DLGAP2: variants seen among roughly 807,000 people sequenced by gnomAD.
DLGAP2 encodes the protein disks large-associated protein 2.
A neutral mutation model predicts 100.3 loss-of-function variants in DLGAP2; 26 were observed. The ratio of observed to expected loss-of-function variants is 0.26; its 90% CI spans 0.19 to 0.36. The LOEUF is 0.36. Among genes scored for constraint, DLGAP2 ranks in the 10% least tolerant of loss-of-function variants. The pLI, the probability that DLGAP2 is intolerant of heterozygous loss-of-function variation, is 1.00. For missense variants in DLGAP2, 1,858 were observed against 1,453.2 expected (o/e 1.28, Z -4.53); for synonymous variants, 886 against 630.1 (o/e 1.41, Z -6.08).
At chr8:1,292,858 G>A (rs1184790022) in intron 3 of DLGAP2, among the ~76,000 whole-genome samples, 1 of 152,002 alleles carries the variant, frequency 6.6e-6, no homozygotes, top group South Asian at 2.1e-4. Context: ...CCAAGCCTAC[G>A]CTGCCTCCTC....
chr8:818,920 A>AAATT (rs1796535870), intron 1 of DLGAP2, among the ~76,000 whole-genome samples: 1 of 152,210 alleles, frequency 6.6e-6, no homozygotes, highest in Non-Finnish European at 1.5e-5. Flanking sequence ...AATTTAATGG[A>AAATT]GCAGTAACCA....
chr8:873,829 G>T (rs939642355), intron 1 of DLGAP2, among the ~76,000 whole-genome samples: 11 of 152,194 alleles, frequency 7.2e-5, no homozygotes, highest in African/African-American at 2.7e-4. Context: ...GCAGAATTCA[G>T]TAGAGATGTC....
At chr8:1,317,022 C>G (rs966948007) in intron 3 of DLGAP2, among the ~76,000 whole-genome samples, 1 of 98,024 alleles carries the variant, frequency 1.0e-5, no homozygotes, top group African/African-American at 4.3e-5. Flanking sequence ...AACTCGGCAG[C>G]TTTTAAAAAT....
chr8:1,658,822 C>T (rs563509494), intron 8 of DLGAP2, among the ~76,000 whole-genome samples: 1 of 152,098 alleles, frequency 6.6e-6, no homozygotes, highest in Non-Finnish European at 1.5e-5. Flanking sequence ...TTTTGTGTCT[C>T]TATCTCCTTC....
chr8:1,113,723 C>G (rs1047776487), intron 2 of DLGAP2, among the ~76,000 whole-genome samples: 1 of 152,070 alleles, frequency 6.6e-6, no homozygotes, highest in Non-Finnish European at 1.5e-5. Flanking sequence ...GCCAGAACTT[C>G]CAATACTATG....
intron 3 of DLGAP2, among the ~76,000 whole-genome samples, chr8:1,371,454 C>T (rs958505255): frequency 1.3e-5 from 2 of 152,212 alleles, no homozygotes; most frequent in Non-Finnish European, 2.9e-5. Context: ...CAGGATGACT[C>T]AGGCTGGTGC....
chr8:1,372,212 CGCTGGG>C (rs1563111371), intron 3 of DLGAP2, among the ~76,000 whole-genome samples: 1 of 87,906 alleles, frequency 1.1e-5, no homozygotes, highest in African/African-American at 3.9e-5. Context: ...GTGCTGCCAA[CGCTGGG>C]ACGCTGGTCA....
At chr8:1,240,706 GTGA>G (rs1798769597) in intron 2 of DLGAP2, among the ~76,000 whole-genome samples, 1 of 147,846 alleles carries the variant, frequency 6.8e-6, no homozygotes, top group African/African-American at 2.5e-5. Flanking sequence ...CTCTCACATG[GTGA>G]CGTGTCTAGT....
At chr8:1,531,169 C>A (rs557610068) in intron 4 of DLGAP2, among the ~76,000 whole-genome samples, 1 of 151,824 alleles carries the variant, frequency 6.6e-6, no homozygotes, top group Non-Finnish European at 1.5e-5. Context: ...CTCCCCTCCC[C>A]GCTAAAAAAG....
intron 1 of DLGAP2, among the ~76,000 whole-genome samples, chr8:822,391 A>T (rs1227345407): frequency 6.6e-6 from 1 of 152,216 alleles, no homozygotes; most frequent in Non-Finnish European, 1.5e-5. Flanking sequence ...TTCCTGGGGC[A>T]GAAGCAGGAG....
intron 5 of DLGAP2, among the ~76,000 whole-genome samples, chr8:1,557,187 G>A (rs763242443): frequency 7.2e-5 from 11 of 152,158 alleles, no homozygotes; most frequent in Non-Finnish European, 1.5e-4. Context: ...TCCCCTGGGG[G>A]CAGAATTACC....
rs59576118 is a variant in DLGAP2 at position 1,220,242 on chromosome 8, T to C, written c.74-38609T>C. Among the ~76,000 whole-genome samples the C allele has an allele frequency of 6.2e-3, 941 of 152,326 alleles. 8 individuals carry two copies. The highest frequency in any genetic ancestry group is 0.022 in the African/African-American group (916 of 41,588). ...TCTTTCTAACTTCTTGATGTAATCA[T>C]TTAGTGCTAGAAACTTTCCTCTTAA... On this transcript the variant is annotated intron_variant, in intron 2 of 14. Transcript: ENST00000637795.
chr8:1,489,672 A>T (rs1004646322), intron 3 of DLGAP2, among the ~76,000 whole-genome samples: 5 of 152,226 alleles, frequency 3.3e-5, no homozygotes, highest in Admixed American at 3.3e-4. Flanking sequence ...AATTCCGCTC[A>T]TCAGAGCCCA....
intron 2 of DLGAP2, among the ~76,000 whole-genome samples, chr8:1,071,126 T>G (rs1367196405): frequency 6.6e-6 from 1 of 152,186 alleles, no homozygotes; most frequent in African/African-American, 2.4e-5. Context: ...CCCACGGATT[T>G]GCAGCTGACT....
chr8:1,682,012 C>T (rs115657896), intron 12 of DLGAP2, among the ~76,000 whole-genome samples: 1,871 of 152,122 alleles, frequency 0.012, 39 homozygotes, highest in African/African-American at 0.041. Flanking sequence ...TTTCCACCCA[C>T]GGTCCAAAGG....
At chr8:1,473,555 G>A (rs1332916995) in intron 3 of DLGAP2, among the ~76,000 whole-genome samples, 2 of 152,226 alleles carry the variant, frequency 1.3e-5, no homozygotes, top group African/African-American at 4.8e-5. Flanking sequence ...GCTGGAGACT[G>A]GGGAGGGGTT....
intron 1 of DLGAP2, among the ~76,000 whole-genome samples, chr8:757,855 G>C (rs1365087935): frequency 6.6e-6 from 1 of 152,156 alleles, no homozygotes; most frequent in East Asian, 1.9e-4. Context: ...TTTTAAACAG[G>C]AATCGGGGCA....
At chr8:1,141,998 T>A (rs1796529607) in intron 2 of DLGAP2, among the ~76,000 whole-genome samples, 1 of 152,042 alleles carries the variant, frequency 6.6e-6, no homozygotes, top group Non-Finnish European at 1.5e-5. Flanking sequence ...AAGAATGACT[T>A]GGAGAAATAC....
intron 2 of DLGAP2, among the ~76,000 whole-genome samples, chr8:1,168,812 T>C (rs1473793418): frequency 3.3e-5 from 4 of 120,442 alleles, no homozygotes; most frequent in African/African-American, 1.3e-4. Context: ...TTGCGAAAAT[T>C]TTCTCCCATG....
Sources: gnomAD v4.1 joint callset for allele counts (sites outside exome capture counted in the v4.1 genomes callset) on GRCh38, gnomAD v4.1.1 for gene constraint, MANE v1.5 for transcripts, NCBI Gene and HGNC (gene_info 2026-07-23, HGNC 2026-07-21) for gene names.